The following BDNF variants were observed in gnomAD, a reference collection of about 807,000 sequenced individuals.
BDNF encodes the protein brain derived neurotrophic factor.
BDNF carries 1 observed loss-of-function variant against 19.5 expected under a neutral mutation model. The observed-to-expected ratio is 0.05, with a 90% CI of 0.02 to 0.24. The LOEUF (loss-of-function observed/expected upper bound fraction) is 0.24. BDNF is among the 10% of genes least tolerant of loss of function. The pLI is 1.00. For missense variants in BDNF, 195 were observed against 317.6 expected (o/e 0.61, Z 2.93); for synonymous variants, 100 against 121.6 (o/e 0.82, Z 1.17).
At chr11:27,669,941 G>A (rs568451415) in intron 1 of BDNF, among the ~76,000 whole-genome samples, 10 of 152,196 alleles carry the variant, frequency 6.6e-5, no homozygotes, top group African/African-American at 1.2e-4. Context: ...AAAAGAGCCC[G>A]CATCGCCAAG....
intron 1 of BDNF, among the ~76,000 whole-genome samples, chr11:27,680,096 A>C (rs1448100174): frequency 6.6e-6 from 1 of 152,194 alleles, no homozygotes; most frequent in African/African-American, 2.4e-5. Context: ...TTACTTTTGC[A>C]CTATTTTTTC....
Position 27,719,420 on chromosome 11 carries a change from C to T in BDNF, c.3+1992G>A, listed in dbSNP as rs899693694. 8.8e-4 allele frequency: 866 copies of T among 981,058 alleles called. 1 individual carries two copies. The highest frequency in any genetic ancestry group is 1.0e-3 in the Non-Finnish European group (850 of 825,994). The allele number at this position is 981,058 out of a possible 1,614,324, so 60.8% of individuals were successfully genotyped here. The stretch of plus-strand genomic sequence containing the variant: ...CTCCAGCCGCCCAGGCCCCCTCGCC[C>T]GGCCCGCTCTCTGGCTCTTCGGTCC... On this transcript the variant is annotated intron_variant, in intron 1 of 1. Transcript: ENST00000314915.
chr11:27,668,341 A>C (rs1047199992), intron 1 of BDNF, among the ~76,000 whole-genome samples: 2 of 152,202 alleles, frequency 1.3e-5, no homozygotes, highest in Non-Finnish European at 2.9e-5. Context: ...TGACACCCTA[A>C]CATCACAATT....
At chr11:27,682,611 A>G (rs759680327) in intron 1 of BDNF, among the ~76,000 whole-genome samples, 1 of 151,908 alleles carries the variant, frequency 6.6e-6, no homozygotes, top group East Asian at 1.9e-4. Context: ...CCCAGTGTCC[A>G]TGTGTTCTCA....
intron 1 of BDNF, among the ~76,000 whole-genome samples, chr11:27,714,883 G>A (rs529591527): frequency 6.6e-6 from 1 of 152,224 alleles, no homozygotes; most frequent in East Asian, 1.9e-4. Flanking sequence ...ACAAGCGGTT[G>A]GAAGTAAAGC....
intron 1 of BDNF, among the ~76,000 whole-genome samples, chr11:27,692,218 A>G (rs1858390060): frequency 6.6e-6 from 1 of 152,214 alleles, no homozygotes; most frequent in Non-Finnish European, 1.5e-5. Flanking sequence ...TAAGGAGCAG[A>G]CTTATGGCCA....
intron 1 of BDNF, among the ~76,000 whole-genome samples, chr11:27,681,945 C>G (rs897475042): frequency 6.6e-6 from 1 of 152,132 alleles, no homozygotes; most frequent in African/African-American, 2.4e-5. Flanking sequence ...AAACTCGATC[C>G]TCCTCTGGCT....
chr11:27,719,418 C>T, intron 1 of BDNF: 1 of 981,240 alleles, frequency 1.0e-6, no homozygotes, highest in Non-Finnish European at 1.2e-6. Flanking sequence ...GGCCCCCTCG[C>T]CCGGCCCGCT....
chr11:27,720,205 C>T (rs1590512736), intron 1 of BDNF: 1 of 513,618 alleles, frequency 1.9e-6, no homozygotes. Flanking sequence ...TAGGGCAATT[C>T]AAACTGGGCA....
At chr11:27,685,183 T>C (rs1229067937) in intron 1 of BDNF, among the ~76,000 whole-genome samples, 5 of 152,212 alleles carry the variant, frequency 3.3e-5, no homozygotes. Context: ...TTTATTTGCA[T>C]AGAGGTGTTT....
Position 27,658,471 on chromosome 11 carries a change from A to C in BDNF, c.94T>G (p.Leu32Val). Residue 32 changes from leucine (L) to valine (V), a missense_variant, in exon 2 of 2, where the codon TTG (leucine) becomes GTG (valine). Leu to Val is a conservative substitution (Grantham distance 32). This residue lies in a region of BDNF where 124 missense variants were observed against 155.0 expected (regional missense o/e 0.80). Coordinates refer to ENST00000356660, the MANE Select transcript of BDNF (RefSeq NM_001709.5). The surrounding 1 kb of genome is among the most constrained non-coding windows in gnomAD (Gnocchi z 5.7). ...KEANIRGQGG[L>V]AYPGVRTHGT... Reference sequence around the variant, plus strand: ...TGGGTCCGCACACCTGGGTAGGCCAAGCCACCTTGTCCTCGGATGTTTGCT... The same window carrying C: ...TGGGTCCGCACACCTGGGTAGGCCACGCCACCTTGTCCTCGGATGTTTGCT... 1 of 1,614,160 alleles carries C rather than the reference A, an allele frequency of 6.2e-7. No individual in the cohort carries two copies. Among genetic ancestry groups the C allele is most frequent in the Non-Finnish European group, 8.5e-7 (1 of 1,180,040 alleles).
Position 27,720,810 on chromosome 11 carries a change from G to A in BDNF, c.3+602C>T, listed in dbSNP as rs900181880. On this transcript the variant is annotated intron_variant, in intron 1 of 1. Transcript: ENST00000314915. ...AGACGGTTTCTTCCACTTCCTTACG[G>A]TTTGTCACGTGCGGATGGCTTTGCC... 3.0e-6 allele frequency: 3 copies of A among 986,354 alleles called. No individual in the cohort carries two copies. In the African/African-American group the frequency reaches 5.2e-5, roughly 17 times the overall value. The allele number at this position is 986,354 out of a possible 1,614,324, so 61.1% of individuals were successfully genotyped here.
intron 1 of BDNF, chr11:27,691,131 A>G (rs1185002731): frequency 6.6e-6 from 1 of 152,224 alleles, no homozygotes; most frequent in Non-Finnish European, 1.5e-5. Flanking sequence ...TCAATCTTTA[A>G]AAAAGAGAGG....
chr11:27,698,295 C>G (rs974757392), intron 1 of BDNF: 8 of 104,572 alleles, frequency 7.7e-5, no homozygotes, highest in African/African-American at 2.6e-4. Context: ...AAAACAGGAA[C>G]AGGAGTTTAG....
intron 1 of BDNF, chr11:27,720,873 G>A (rs902781132): frequency 8.7e-6 from 6 of 690,306 alleles, no homozygotes; most frequent in Non-Finnish European, 1.1e-5. Flanking sequence ...ATGTTGATGA[G>A]AACCTTTTCT....
At chr11:27,712,493 T>C (rs1448594093) in intron 1 of BDNF, among the ~76,000 whole-genome samples, 1 of 151,588 alleles carries the variant, frequency 6.6e-6, no homozygotes, top group Non-Finnish European at 1.5e-5. Flanking sequence ...CTTTGTAATC[T>C]TATACATTTA....
intron 1 of BDNF, chr11:27,659,635 G>GTGTGTT: frequency 2.0e-6 from 2 of 996,840 alleles, no homozygotes; most frequent in Non-Finnish European, 2.4e-6. Context: ...CTCTCTGTGT[G>GTGTGTT]TGTGTGTGTG....
intron 1 of BDNF, among the ~76,000 whole-genome samples, chr11:27,689,714 ATTTTAC>A (rs1395042865): frequency 1.3e-5 from 2 of 151,998 alleles, no homozygotes; most frequent in African/African-American, 2.4e-5. Flanking sequence ...ATTATTTTTT[ATTTTAC>A]TTTAAGTTCC....
At chr11:27,706,863 C>A (rs775296349) in intron 1 of BDNF, among the ~76,000 whole-genome samples, 1 of 152,194 alleles carries the variant, frequency 6.6e-6, no homozygotes, top group African/African-American at 2.4e-5. Context: ...AACAAAGCTA[C>A]GTCTTCTGTC....
Sources: allele counts gnomAD v4.1 joint callset (sites outside exome capture counted in the v4.1 genomes callset), GRCh38; gene constraint gnomAD v4.1.1; regional missense constraint gnomAD v4.1.1; non-coding constraint Gnocchi (gnomAD v3.1); transcripts MANE v1.5; gene names NCBI Gene and HGNC (gene_info 2026-07-23, HGNC 2026-07-21).